The following TMEM108 variants were observed in gnomAD, a reference collection of about 807,000 sequenced individuals.
TMEM108 encodes transmembrane protein 108.
In TMEM108, 12 loss-of-function variants were observed where a neutral mutation model predicts 35.1. The ratio of observed to expected loss-of-function variants is 0.34; its 90% CI spans 0.22 to 0.55. The LOEUF (loss-of-function observed/expected upper bound fraction) is 0.55, where lower values mean the gene tolerates loss of function less well. Among genes scored for constraint, TMEM108 ranks in the 20% least tolerant of loss-of-function variants. The probability of loss-of-function intolerance (pLI) is 0.89; values close to 1 mark genes in which losing one functional copy is unlikely to be tolerated. For synonymous variants in TMEM108, 287 were observed against 308.6 expected, an observed-to-expected ratio of 0.93 and a Z score of 0.73; for missense variants, 680 against 753.3, an observed-to-expected ratio of 0.90 and a Z score of 1.14.
In TMEM108 at chr3:133,371,357, G is replaced by T. The variant is rs113543150; in HGVS notation, c.41-8395G>T. ...CTAAGTCAGCTTGATGGGCTGGAAG[G>T]TCCACTTTCAAGATAGCTCATTCAC... On this transcript the variant is annotated intron_variant, in intron 3 of 5. Coordinates refer to ENST00000321871, the MANE Select transcript of TMEM108 (RefSeq NM_023943.4). Among the ~76,000 whole-genome samples, 5 of 152,070 alleles carry T rather than the reference G, an allele frequency of 3.3e-5. 1 individual carries two copies.
intron 5 of TMEM108, among the ~76,000 whole-genome samples, chr3:133,391,105 C>T (rs944580644): frequency 1.3e-5 from 2 of 152,174 alleles, no homozygotes; most frequent in African/African-American, 2.4e-5. Context: ...CATTGGGACT[C>T]TAGTTTGGGG....
intron 2 of TMEM108, among the ~76,000 whole-genome samples, chr3:133,200,715 C>T (rs962688437): frequency 6.6e-6 from 1 of 152,186 alleles, no homozygotes; most frequent in African/African-American, 2.4e-5. Context: ...GTATTACACA[C>T]TCATTGTTTT....
chr3:133,284,550 A>G (rs943005118), intron 3 of TMEM108, among the ~76,000 whole-genome samples: 18 of 152,188 alleles, frequency 1.2e-4, no homozygotes, highest in Non-Finnish European at 1.2e-4. Context: ...TCCTCTTTGC[A>G]TAGGATAGGA....
At chr3:133,386,355 C>T in intron 4 of TMEM108, 1 of 1,524,058 alleles carries the variant, frequency 6.6e-7, no homozygotes, top group Non-Finnish European at 8.8e-7. Flanking sequence ...AAGAGCAATT[C>T]AATAGTTGTT....
intron 3 of TMEM108, among the ~76,000 whole-genome samples, chr3:133,344,390 A>T (rs1244592864): frequency 1.3e-5 from 2 of 151,788 alleles, no homozygotes; most frequent in Admixed American, 6.6e-5. Flanking sequence ...AAGTGATCAC[A>T]ATATACTATT....
chr3:133,328,573 C>T (rs1324484923), intron 3 of TMEM108, among the ~76,000 whole-genome samples: 1 of 152,150 alleles, frequency 6.6e-6, no homozygotes, highest in African/African-American at 2.4e-5. Context: ...CTGTGAGAAG[C>T]AGAGGGACTC....
At chr3:133,233,075 A>G (rs1444997744) in intron 3 of TMEM108, among the ~76,000 whole-genome samples, 1 of 150,434 alleles carries the variant, frequency 6.6e-6, no homozygotes, top group East Asian at 2.0e-4. Flanking sequence ...GTTTTAGGGT[A>G]CATGTGCACA....
chr3:133,379,672 C>T, intron 3 of TMEM108, 80 bp from the exon 4 acceptor site: 1 of 1,432,006 alleles, frequency 7.0e-7, no homozygotes, highest in Non-Finnish European at 9.6e-7. Flanking sequence ...CCAGCACTGT[C>T]CTAGGCCACA....
Position 133,174,217 on chromosome 3 carries a change from G to T in TMEM108, c.-46-55049G>T, listed in dbSNP as rs142473926. 1.8e-3 allele frequency among the ~76,000 whole-genome samples: 274 copies of T among 152,362 alleles called. 1 individual carries two copies. The highest frequency in any genetic ancestry group is 6.1e-3 in the African/African-American group (254 of 41,586). On this transcript the variant is annotated intron_variant, in intron 2 of 5. Coordinates refer to ENST00000321871, the MANE Select transcript of TMEM108 (RefSeq NM_023943.4). Reference sequence around the variant, plus strand: ...GGTGGAGCCCACCTCAGCTCAAGGAGGCCAGCCTGCCTCTGTAGACTCCAC... The same window carrying T: ...GGTGGAGCCCACCTCAGCTCAAGGATGCCAGCCTGCCTCTGTAGACTCCAC...
chr3:133,053,904 G>C (rs1226149046), intron 2 of TMEM108, among the ~76,000 whole-genome samples: 1 of 152,292 alleles, frequency 6.6e-6, no homozygotes, highest in East Asian at 1.9e-4. Context: ...AAGAAGAAAA[G>C]GAGTATGATA....
chr3:133,083,181 C>A (rs1943836798), intron 2 of TMEM108, among the ~76,000 whole-genome samples: 1 of 115,552 alleles, frequency 8.7e-6, no homozygotes, highest in Admixed American at 8.9e-5. Context: ...CCCCCCCCCA[C>A]CCCCCGCCGC....
intron 4 of TMEM108, among the ~76,000 whole-genome samples, chr3:133,382,482 C>G (rs866432310): frequency 1.3e-5 from 2 of 152,254 alleles, no homozygotes; most frequent in East Asian, 1.9e-4. Context: ...CCATCTGCCC[C>G]CTCTGGGGTA....
chr3:133,385,281 A>G (rs2073118937), intron 4 of TMEM108, among the ~76,000 whole-genome samples: 1 of 152,172 alleles, frequency 6.6e-6, no homozygotes, highest in Non-Finnish European at 1.5e-5. Context: ...CCTCAAGGCA[A>G]TGCAGGGATA....
chr3:133,192,528 A>G (rs1945513844), intron 2 of TMEM108, among the ~76,000 whole-genome samples: 1 of 152,152 alleles, frequency 6.6e-6, no homozygotes, highest in African/African-American at 2.4e-5. Context: ...GAGACAGAAT[A>G]ATGAACTGAG....
intron 2 of TMEM108, among the ~76,000 whole-genome samples, chr3:133,204,987 G>A (rs1945730416): frequency 6.6e-6 from 1 of 152,170 alleles, no homozygotes; most frequent in African/African-American, 2.4e-5. Flanking sequence ...GGGTGCTCCT[G>A]TATTGGGTGC....
In TMEM108 at chr3:133,385,647, A is replaced by G. The variant is rs554410667; in HGVS notation, c.1450+4486A>G. On this transcript the variant is annotated intron_variant, in intron 4 of 5. Coordinates refer to ENST00000321871, the MANE Select transcript of TMEM108 (RefSeq NM_023943.4). ...CTCATCGACAAAACAAAGGGGCCAA[A>G]CTGAAATGTGTCATCACTCCCTGTC... Among the ~76,000 whole-genome samples, 7 of 152,326 alleles carry G rather than the reference A, an allele frequency of 4.6e-5. No homozygotes were observed. In the South Asian group the frequency reaches 1.4e-3, roughly 32 times the overall value.
intron 2 of TMEM108, among the ~76,000 whole-genome samples, chr3:133,127,283 G>T (rs1034585219): frequency 6.6e-6 from 1 of 151,994 alleles, no homozygotes; most frequent in Non-Finnish European, 1.5e-5. Flanking sequence ...ATAAAATTTG[G>T]TTTCTTATTC....
At chr3:133,123,204 A>G (rs969103633) in intron 2 of TMEM108, among the ~76,000 whole-genome samples, 1 of 152,188 alleles carries the variant, frequency 6.6e-6, no homozygotes, top group Non-Finnish European at 1.5e-5. Flanking sequence ...ATTGTATTCC[A>G]TTGCATTGGT....
chr3:133,063,166 A>AC (rs1386340999), intron 2 of TMEM108, among the ~76,000 whole-genome samples: 1 of 152,066 alleles, frequency 6.6e-6, no homozygotes, highest in African/African-American at 2.4e-5. Context: ...GTGGTGTGTG[A>AC]CCTTGGAGTT....
Sources: allele counts gnomAD v4.1 joint callset (sites outside exome capture counted in the v4.1 genomes callset), GRCh38; gene constraint gnomAD v4.1.1; transcripts MANE v1.5; gene names NCBI Gene and HGNC (gene_info 2026-07-23, HGNC 2026-07-21).